B3GALT1: variants seen among roughly 807,000 people sequenced by gnomAD.
B3GALT1 encodes the protein UDP-Gal:betaGlcNAc beta 1,3-galactosyltransferase, polypeptide 1.
Under a neutral mutation model 23.2 loss-of-function variants are expected in B3GALT1, and 10 were observed. The ratio of observed to expected loss-of-function variants is 0.43; its 90% confidence interval spans 0.27 to 0.73. The LOEUF (loss-of-function observed/expected upper bound fraction) is 0.73, where lower values mean the gene tolerates loss of function less well. B3GALT1 is among the 30% of genes least tolerant of loss of function. The pLI, the probability that B3GALT1 is intolerant of heterozygous loss-of-function variation, is 0.21. For missense variants in B3GALT1, 299 were observed against 405.4 expected, an observed-to-expected ratio of 0.74 and a Z score of 2.25; for synonymous variants, 156 against 141.5, an observed-to-expected ratio of 1.10 and a Z score of -0.73.
chr2:167,539,266 A>T (rs1398683731), intron 2 of B3GALT1, among the ~76,000 whole-genome samples: 1 of 152,122 alleles, frequency 6.6e-6, no homozygotes, highest in Non-Finnish European at 1.5e-5. Context: ...ATTTAAAAAA[A>T]AAAATTGGAC....
chr2:167,789,889 G>A (rs958671341), intron 3 of B3GALT1, among the ~76,000 whole-genome samples: 2 of 152,080 alleles, frequency 1.3e-5, no homozygotes, highest in African/African-American at 4.8e-5. Context: ...CTTCAAATCT[G>A]CAGAGAGAAG....
intron 1 of B3GALT1, among the ~76,000 whole-genome samples, chr2:167,405,159 T>C (rs1458664626): frequency 3.9e-5 from 6 of 152,144 alleles, no homozygotes. Flanking sequence ...ATAATAAGAA[T>C]TCTTGAGATT....
At position 167,632,153 on chromosome 2, in the gene B3GALT1, C is replaced by T. The variant is rs570286875; in HGVS notation, c.-409-14756C>T. Among the ~76,000 whole-genome samples, 6 of 152,130 alleles carry T rather than the reference C, an allele frequency of 3.9e-5. No individual in the cohort carries two copies. In the Middle Eastern group the frequency reaches 0.01, roughly 259 times the overall value. On this transcript the variant is annotated intron_variant, in intron 2 of 4. Transcript: ENST00000392690. ...CCTTTTTTATGGCTGCATAGTATTCCGTGGCATATATGTGCCACATTTTCT... is the reference window on the plus strand; with the variant it reads ...CCTTTTTTATGGCTGCATAGTATTCTGTGGCATATATGTGCCACATTTTCT...
At chr2:167,669,832 C>T (rs560110142) in intron 3 of B3GALT1, among the ~76,000 whole-genome samples, 2 of 152,174 alleles carry the variant, frequency 1.3e-5, no homozygotes, top group South Asian at 2.1e-4. Context: ...CCATGTGGGA[C>T]ACTGCCCAAG....
chr2:167,534,832 C>A (rs1003167043), intron 2 of B3GALT1, among the ~76,000 whole-genome samples: 8 of 152,272 alleles, frequency 5.3e-5, no homozygotes, highest in African/African-American at 1.7e-4. Flanking sequence ...GTAATCAAAT[C>A]TGGACTGGCA....
At chr2:167,767,782 A>G (rs1688002773) in intron 3 of B3GALT1, among the ~76,000 whole-genome samples, 1 of 152,156 alleles carries the variant, frequency 6.6e-6, no homozygotes, top group African/African-American at 2.4e-5. Flanking sequence ...AGTTCTAACT[A>G]GGAAAGTTTT....
chr2:167,743,058 A>G (rs915950640), intron 3 of B3GALT1, among the ~76,000 whole-genome samples: 2 of 152,110 alleles, frequency 1.3e-5, no homozygotes, highest in Admixed American at 1.3e-4. Flanking sequence ...TTCTATGAAT[A>G]TTATTTTTAA....
intron 1 of B3GALT1, among the ~76,000 whole-genome samples, chr2:167,325,314 C>T (rs1696875865): frequency 6.6e-6 from 1 of 151,960 alleles, no homozygotes; most frequent in Non-Finnish European, 1.5e-5. Flanking sequence ...GTTTGATTGG[C>T]TCACAGGTCT....
intron 2 of B3GALT1, among the ~76,000 whole-genome samples, chr2:167,520,151 T>TA (rs1376205894): frequency 6.6e-6 from 1 of 152,022 alleles, no homozygotes; most frequent in Non-Finnish European, 1.5e-5. Context: ...GATAAAAATA[T>TA]AAACTTTATT....
At chr2:167,561,121 T>A (rs1299912263) in intron 2 of B3GALT1, among the ~76,000 whole-genome samples, 1 of 152,180 alleles carries the variant, frequency 6.6e-6, no homozygotes, top group Non-Finnish European at 1.5e-5. Context: ...ACCACAGTGC[T>A]ATCAAACTAG....
chr2:167,458,742 G>A (rs576722293), intron 1 of B3GALT1, among the ~76,000 whole-genome samples: 2 of 152,188 alleles, frequency 1.3e-5, no homozygotes, highest in South Asian at 2.1e-4. Flanking sequence ...CTTATTGGCC[G>A]TTTGTTTATC....
chr2:167,555,085 A>G (rs1683819327), intron 2 of B3GALT1, among the ~76,000 whole-genome samples: 1 of 152,228 alleles, frequency 6.6e-6, no homozygotes, highest in African/African-American at 2.4e-5. Context: ...AGCTAACTGA[A>G]CTATATGCCA....
At chr2:167,518,283 C>T (rs970349773) in intron 2 of B3GALT1, among the ~76,000 whole-genome samples, 3 of 152,038 alleles carry the variant, frequency 2.0e-5, no homozygotes, top group African/African-American at 7.2e-5. Context: ...CAAAAATCAG[C>T]AAATGGAAAA....
At chr2:167,432,056 G>T (rs1698715113) in intron 1 of B3GALT1, among the ~76,000 whole-genome samples, 1 of 152,162 alleles carries the variant, frequency 6.6e-6, no homozygotes, top group South Asian at 2.1e-4. Context: ...TACCCTGGGG[G>T]ACATAAGCCT....
chr2:167,642,634 T>C (rs1206381681), intron 2 of B3GALT1, among the ~76,000 whole-genome samples: 2 of 152,194 alleles, frequency 1.3e-5, no homozygotes, highest in Non-Finnish European at 2.9e-5. Context: ...CCCAGCACTT[T>C]GGCACTTCAT....
chr2:167,868,732 A>G (rs1238997848), intron 4 of B3GALT1, among the ~76,000 whole-genome samples, 79 bp from the exon 5 acceptor site: 3 of 152,208 alleles, frequency 2.0e-5, no homozygotes, highest in Non-Finnish European at 4.4e-5. Flanking sequence ...GGCAATTCTT[A>G]TACCCTTGTT....
chr2:167,436,254 T>C (rs1364881596), intron 1 of B3GALT1, among the ~76,000 whole-genome samples: 1 of 152,138 alleles, frequency 6.6e-6, no homozygotes, highest in Non-Finnish European at 1.5e-5. Context: ...ACTTCTTACT[T>C]TTTGGAACTG....
At chr2:167,564,549 C>G (rs933571277) in intron 2 of B3GALT1, among the ~76,000 whole-genome samples, 1 of 152,218 alleles carries the variant, frequency 6.6e-6, no homozygotes, top group South Asian at 2.1e-4. Flanking sequence ...CGAGACCACG[C>G]CACTGCACTC....
At chr2:167,651,367 G>C (rs1196188410) in intron 3 of B3GALT1, among the ~76,000 whole-genome samples, 1 of 151,934 alleles carries the variant, frequency 6.6e-6, no homozygotes, top group Non-Finnish European at 1.5e-5. Context: ...GTTTAGTCCA[G>C]ACAGTACTAC....
Sources: allele counts gnomAD v4.1 joint callset (sites outside exome capture counted in the v4.1 genomes callset), GRCh38; gene constraint gnomAD v4.1.1; transcripts MANE v1.5; gene names NCBI Gene and HGNC (gene_info 2026-07-23, HGNC 2026-07-21).